The following USP15 variants were observed in gnomAD, a reference collection of about 807,000 sequenced individuals.
The protein encoded by USP15 is ubiquitin carboxyl-terminal hydrolase 15.
A neutral mutation model predicts 127.1 loss-of-function variants in USP15; 18 were observed. The observed-to-expected ratio is 0.14, with a 90% confidence interval of 0.10 to 0.21. The LOEUF is 0.21. Ranked by LOEUF, USP15 falls within the 10% of genes least tolerant of loss-of-function variation. The probability of loss-of-function intolerance (pLI) is 1.00; values close to 1 mark genes in which losing one functional copy is unlikely to be tolerated. For missense variants in USP15, 805 were observed against 1,159.9 expected, an observed-to-expected ratio of 0.69 and a Z score of 4.44; for synonymous variants, 364 against 393.7, an observed-to-expected ratio of 0.92 and a Z score of 0.89.
At chr12:62,325,749 C>T in intron 5 of USP15, 123 bp from the exon 6 acceptor site, 1 of 739,008 alleles carries the variant, frequency 1.4e-6, no homozygotes. Context: ...TTCACCTTGT[C>T]TACTGTTTTC....
At chr12:62,352,309 G>A (rs1018870851) in intron 7 of USP15, among the ~76,000 whole-genome samples, 7 of 151,706 alleles carry the variant, frequency 4.6e-5, no homozygotes, top group Non-Finnish European at 8.8e-5. Flanking sequence ...ATCCATTACT[G>A]TAATATAGTT....
rs1565792734 is a variant in USP15, at chr12:62,260,464, C to T, written c.50C>T (p.Ala17Val). ...CTGGACACCCAGCGGTCTGACATCG[C>T]GACGCTGCTCAAAACCTCGCTCCGG... ...ADLDTQRSDI[A>V]TLLKTSLRKG... Residue 17 changes from alanine to valine, a missense_variant, in exon 1 of 22, where the codon GCG (alanine) becomes GTG (valine). Physicochemically the swap from Ala to Val is moderately conservative, Grantham distance 64. Around this residue, in one of 11 missense-constraint regions of USP15, gnomAD observed 45 missense variants for 37.8 expected, o/e 1.19. Coordinates refer to ENST00000280377, the MANE Select transcript of USP15 (RefSeq NM_001252078.2). The T allele has an allele frequency of 6.4e-7, 1 of 1,552,096 alleles. No homozygotes were observed. The highest frequency in any genetic ancestry group is 1.2e-5 in the South Asian group (1 of 84,080).
chr12:62,343,024 C>T (rs1188396128), intron 6 of USP15, among the ~76,000 whole-genome samples: 1 of 152,222 alleles, frequency 6.6e-6, no homozygotes, highest in Non-Finnish European at 1.5e-5. Context: ...ACAGCCGTCC[C>T]TCCCCCCAGT....
Position 62,393,032 on chromosome 12 carries a change from A to G in USP15, c.2421-21A>G, listed in dbSNP as rs755416354. The G allele has an allele frequency of 8.1e-6, 13 of 1,611,602 alleles. No individual in the cohort carries two copies. The Admixed American group carries it at 2.2e-4, about 27-fold the overall frequency. On this transcript the variant is annotated intron_variant, in intron 18 of 21. Coordinates refer to ENST00000280377, the MANE Select transcript of USP15 (RefSeq NM_001252078.2). ...TTGTTTGTACCTCTATCAAGTGTTA[A>G]ATACTTCTGTTTATTCTTAGGTATT... is the stretch of plus-strand genomic sequence containing the variant.
intron 20 of USP15, among the ~76,000 whole-genome samples, chr12:62,400,756 A>G (rs1302746733): frequency 6.6e-6 from 1 of 152,134 alleles, no homozygotes; most frequent in African/African-American, 2.4e-5. Context: ...AGCTAACAGT[A>G]TAGTACCTTG....
intron 6 of USP15, among the ~76,000 whole-genome samples, chr12:62,326,668 T>G (rs1427822269): frequency 2.0e-5 from 3 of 152,206 alleles, no homozygotes; most frequent in South Asian, 4.1e-4. Context: ...CCAAATGAAC[T>G]GTGAAAAAAT....
intron 6 of USP15, among the ~76,000 whole-genome samples, chr12:62,342,027 C>A (rs2065664248): frequency 6.6e-6 from 1 of 152,080 alleles, no homozygotes; most frequent in South Asian, 2.1e-4. Context: ...TCCATTCTCC[C>A]CGTCACTTTC....
At chr12:62,345,987 T>G (rs1425594452) in intron 6 of USP15, among the ~76,000 whole-genome samples, 1 of 152,070 alleles carries the variant, frequency 6.6e-6, no homozygotes, top group Non-Finnish European at 1.5e-5. Context: ...CAAGATGAGA[T>G]TTGGGTGGGG....
Position 62,407,983 on chromosome 12 carries a change from A to G in USP15, c.*3608A>G, listed in dbSNP as rs2067927088. 1 of 152,268 alleles carries G rather than the reference A, an allele frequency of 6.6e-6. No individual in the cohort carries two copies. Among genetic ancestry groups the G allele is most frequent in the Non-Finnish European group, 1.5e-5 (1 of 68,018 alleles). The allele number at this position is 152,268 out of a possible 1,614,324, so 9.4% of individuals were successfully genotyped here. A position where few individuals can be genotyped will look rare whatever the true frequency, so the allele number is the denominator to read the frequency against. On this transcript the variant is annotated 3_prime_UTR_variant, in exon 22 of 22. Transcript: ENST00000280377. ...TCCTGTATTTATCCTTGCTTTCCTGACAACTGGATATAAAACTACACAAAA... is the reference window on the plus strand; with the variant it reads ...TCCTGTATTTATCCTTGCTTTCCTGGCAACTGGATATAAAACTACACAAAA...
At chr12:62,337,305 T>C (rs976902291) in intron 6 of USP15, among the ~76,000 whole-genome samples, 2 of 152,086 alleles carry the variant, frequency 1.3e-5, no homozygotes, top group African/African-American at 2.4e-5. Context: ...TAAAGACATA[T>C]AGGAGACGGG....
chr12:62,283,928 C>T (rs960751927), intron 1 of USP15, among the ~76,000 whole-genome samples: 4 of 152,172 alleles, frequency 2.6e-5, no homozygotes, highest in Non-Finnish European at 2.9e-5. Context: ...GGCAGCAGAG[C>T]GAGACCCTAT....
chr12:62,382,466 C>A (rs2067020538), intron 9 of USP15, among the ~76,000 whole-genome samples: 2 of 151,990 alleles, frequency 1.3e-5, no homozygotes, highest in Middle Eastern at 3.4e-3. Context: ...AAATAAAAAA[C>A]CAGCAAATCA....
intron 8 of USP15, chr12:62,374,597 T>C (rs1565896435): frequency 2.8e-5 from 27 of 978,484 alleles, no homozygotes; most frequent in South Asian, 9.5e-5. Flanking sequence ...ATTCATTTCC[T>C]AAAATATGTT....
chr12:62,312,356 T>C, intron 3 of USP15: 1 of 234,044 alleles, frequency 4.3e-6, no homozygotes, highest in Non-Finnish European at 9.3e-6. Context: ...AAGGGTAGAC[T>C]ATATTAGGTT....
rs1310068203 is a variant in USP15 at position 62,413,279 on chromosome 12, T to C, written c.*8904T>C. The C allele has an allele frequency of 6.6e-6, 1 of 152,196 alleles. No homozygotes were observed. Among genetic ancestry groups the C allele is most frequent in the Non-Finnish European group, 1.5e-5 (1 of 68,028 alleles). 9.4% of individuals were successfully genotyped at this position (152,196 alleles called of 1,614,324 possible). ...AGCAAAAACATTATATTTAGTTTAA[T>C]TTTAAGGACCCTAGGATTTTTGGAA... On this transcript the variant is annotated 3_prime_UTR_variant, in exon 22 of 22. Coordinates refer to ENST00000280377, the MANE Select transcript of USP15 (RefSeq NM_001252078.2).
In USP15 at chr12:62,298,702, C is replaced by T. The variant is rs937654577; in HGVS notation, c.218-4088C>T. On this transcript the variant is annotated intron_variant, in intron 2 of 21. Coordinates refer to ENST00000280377, the MANE Select transcript of USP15 (RefSeq NM_001252078.2). ...AACATAATATGTGGGTGGTGGCATACACCTGTAGTCCCAGTACTTGGGAGG... is the reference window on the plus strand; with the variant it reads ...AACATAATATGTGGGTGGTGGCATATACCTGTAGTCCCAGTACTTGGGAGG... 1.7e-4 allele frequency among the ~76,000 whole-genome samples: 26 copies of T among 151,658 alleles called. 1 individual carries two copies. Among genetic ancestry groups the T allele is most frequent in the Non-Finnish European group, 8.8e-5 (6 of 67,898 alleles).
At chr12:62,268,436 T>C (rs1165888718) in intron 1 of USP15, among the ~76,000 whole-genome samples, 2 of 152,174 alleles carry the variant, frequency 1.3e-5, no homozygotes, top group African/African-American at 4.8e-5. Context: ...TCATTTGTTA[T>C]TAATATCAAG....
At chr12:62,301,875 C>T (rs2064332239) in intron 2 of USP15, among the ~76,000 whole-genome samples, 1 of 152,150 alleles carries the variant, frequency 6.6e-6, no homozygotes, top group African/African-American at 2.4e-5. Context: ...GAAAAATCTC[C>T]ATTAAGTTGG....
chr12:62,334,287 G>A (rs2065391682), intron 6 of USP15: 1 of 152,086 alleles, frequency 6.6e-6, no homozygotes, highest in African/African-American at 2.4e-5. Context: ...GTTTAAAAAT[G>A]GGTTGCAAGT....
Sources: allele counts gnomAD v4.1 joint callset (sites outside exome capture counted in the v4.1 genomes callset), GRCh38; gene constraint gnomAD v4.1.1; regional missense constraint gnomAD v4.1.1; transcripts MANE v1.5; gene names NCBI Gene and HGNC (gene_info 2026-07-23, HGNC 2026-07-21).